Variants in UFL1 observed in about 807,000 individuals in gnomAD.
The protein encoded by UFL1 is UFM1 specific ligase 1.
A neutral mutation model predicts 99.3 loss-of-function variants in UFL1; 78 were observed. The ratio of observed to expected loss-of-function variants is 0.79; its 90% CI spans 0.65 to 0.95. The LOEUF is 0.95. Among genes scored for constraint, UFL1 ranks in the 40% least tolerant of loss-of-function variants. The pLI is 0.00. For synonymous variants in UFL1, 335 were observed against 322.2 expected, an observed-to-expected ratio of 1.04 and a Z score of -0.42; for missense variants, 936 against 937.0, an observed-to-expected ratio of 1.00 and a Z score of 0.01.
At chr6:96,524,477 A>G in intron 3 of UFL1, 67 bp downstream of exon 3, 2 of 1,227,260 alleles carry the variant, frequency 1.6e-6, no homozygotes, top group South Asian at 1.5e-5. Flanking sequence ...AATTTGTTCA[A>G]GTATTCACTA....
At chr6:96,527,060 G>C (rs999918254) in intron 5 of UFL1, among the ~76,000 whole-genome samples, 1 of 152,142 alleles carries the variant, frequency 6.6e-6, no homozygotes, top group African/African-American at 2.4e-5. Context: ...ATTTGTGTCA[G>C]TACTCAAATA....
At chr6:96,542,378 G>A (rs1233913363) in intron 11 of UFL1, among the ~76,000 whole-genome samples, 3 of 151,260 alleles carry the variant, frequency 2.0e-5, no homozygotes, top group South Asian at 4.1e-4. Context: ...CTCTTCAGAA[G>A]TTTATAATCT....
At chr6:96,537,796 A>G (rs1056346723) in intron 9 of UFL1, among the ~76,000 whole-genome samples, 1 of 151,916 alleles carries the variant, frequency 6.6e-6, no homozygotes, top group African/African-American at 2.4e-5. Context: ...ACTCCTGTTA[A>G]TCCTGATAAA....
Position 96,530,680 on chromosome 6 carries a change from C to A in UFL1, c.596+2048C>A, listed in dbSNP as rs7761917. Among the ~76,000 whole-genome samples, 1,466 of 152,290 alleles carry A rather than the reference C, an allele frequency of 9.6e-3. 23 individuals carry two copies. Among genetic ancestry groups the A allele is most frequent in the African/African-American group, 0.034 (1,403 of 41,544 alleles). On this transcript the variant is annotated intron_variant, in intron 6 of 18. Transcript: ENST00000369278. ...CAGGTTGCCTTTTGCATACCCCCAT[C>A]ATTCTTGAAACTTTCTTTTCTTTCT...
intron 3 of UFL1, 75 bp downstream of exon 3, chr6:96,524,485 CT>C (rs1203918362): frequency 2.7e-6 from 3 of 1,114,586 alleles, no homozygotes; most frequent in Non-Finnish European, 3.8e-6. Flanking sequence ...CAAGTATTCA[CT>C]AATGCTGGTA....
chr6:96,534,614 T>C (rs1263759302), intron 7 of UFL1, among the ~76,000 whole-genome samples: 1 of 151,892 alleles, frequency 6.6e-6, no homozygotes, highest in Non-Finnish European at 1.5e-5. Context: ...GATTTAAAAT[T>C]GTAAGATTAA....
At chr6:96,539,561 T>C (rs1228465505) in intron 10 of UFL1, among the ~76,000 whole-genome samples, 1 of 151,664 alleles carries the variant, frequency 6.6e-6, no homozygotes, top group African/African-American at 2.4e-5. Context: ...AAAGTATACA[T>C]GTTTGATGTC....
chr6:96,541,369 A>G (rs1291616275), intron 11 of UFL1, among the ~76,000 whole-genome samples: 2 of 151,524 alleles, frequency 1.3e-5, no homozygotes, highest in Non-Finnish European at 3.0e-5. Flanking sequence ...ACTAGAAATT[A>G]TTCTAGGTAT....
intron 11 of UFL1, among the ~76,000 whole-genome samples, chr6:96,541,867 T>C (rs186176658): frequency 1.6e-3 from 240 of 151,320 alleles, no homozygotes; most frequent in African/African-American, 5.3e-3. Context: ...AGGAAACTTA[T>C]TGTCAAATAT....
intron 6 of UFL1, among the ~76,000 whole-genome samples, chr6:96,529,860 T>TCCTC (rs1314897159): frequency 1.3e-5 from 2 of 152,194 alleles, no homozygotes; most frequent in East Asian, 3.9e-4. Context: ...TGAAATGATT[T>TCCTC]CCTCCCTCCC....
intron 2 of UFL1, among the ~76,000 whole-genome samples, chr6:96,523,857 T>G (rs1473858775): frequency 1.3e-5 from 2 of 152,170 alleles, no homozygotes; most frequent in Non-Finnish European, 2.9e-5. Flanking sequence ...ATAGAAGCAA[T>G]TATGAAAGCC....
intron 4 of UFL1, among the ~76,000 whole-genome samples, chr6:96,525,610 G>A (rs1769686973): frequency 1.3e-5 from 2 of 151,364 alleles, no homozygotes; most frequent in African/African-American, 2.4e-5. Context: ...AGAAGGCTGA[G>A]GCTGGAGGAT....
In UFL1 at chr6:96,534,304, A is replaced by G. The variant is rs1455472609; in HGVS notation, c.638A>G (p.Gln213Arg). 7.0e-6 allele frequency: 11 copies of G among 1,582,190 alleles called. No homozygotes were observed. In the African/African-American group the frequency reaches 1.1e-4, roughly 16 times the overall value. ...VNSLISKYGFQEQLLYSVLEE... is the reference protein window; with the variant it reads ...VNSLISKYGFREQLLYSVLEE... ...TCTTTGATTTCAAAATATGGATTTC[A>G]GGAGCAGCTTCTTTACTGTGAGTTT... Residue 213 changes from glutamine (Q) to arginine (R), a missense_variant, in exon 7 of 19, where the codon CAG becomes CGG. By Grantham distance (43) the Gln-to-Arg change is conservative. Coordinates refer to ENST00000369278, the MANE Select transcript of UFL1 (RefSeq NM_015323.5).
At chr6:96,542,559 TAGA>T (rs1440127587) in intron 11 of UFL1, among the ~76,000 whole-genome samples, 11 of 151,214 alleles carry the variant, frequency 7.3e-5, no homozygotes, top group Non-Finnish European at 1.3e-4. Flanking sequence ...TTGGGGAAGG[TAGA>T]AGAGGAGGTG....
intron 7 of UFL1, among the ~76,000 whole-genome samples, chr6:96,534,727 G>A (rs1168781571): frequency 6.6e-6 from 1 of 151,748 alleles, no homozygotes; most frequent in Non-Finnish European, 1.5e-5. Context: ...AGCAATAAAA[G>A]TATATTCTTA....
chr6:96,540,208 A>G (rs543855350), intron 10 of UFL1, among the ~76,000 whole-genome samples: 42 of 151,452 alleles, frequency 2.8e-4, no homozygotes, highest in Non-Finnish European at 5.0e-4. Flanking sequence ...GCGAAGGAGC[A>G]TGGGGCATCA....
rs776695404 is a variant in UFL1, at chr6:96,552,608, A to G, written c.2112A>G (p.Ala704=). ...FQFSTHSMLH[A]PGRCVPQIIA... Reference sequence around the variant, plus strand: ...TTTCAACCCACAGCATGCTCCATGCACCTGGAAGATGTGTCCCACAGATCA... The same window carrying G: ...TTTCAACCCACAGCATGCTCCATGCGCCTGGAAGATGTGTCCCACAGATCA... The change falls in exon 18 of 19, where the codon GCA becomes GCG. Residue 704 remains alanine, a synonymous_variant. Coordinates refer to ENST00000369278, the MANE Select transcript of UFL1 (RefSeq NM_015323.5). The G allele has an allele frequency of 1.9e-6, 3 of 1,612,666 alleles. No individual in the cohort carries two copies. Among genetic ancestry groups the G allele is most frequent in the Non-Finnish European group, 2.5e-6 (3 of 1,179,534 alleles).
At chr6:96,528,974 G>C (rs1428001405) in intron 6 of UFL1, among the ~76,000 whole-genome samples, 1 of 152,146 alleles carries the variant, frequency 6.6e-6, no homozygotes, top group Non-Finnish European at 1.5e-5. Context: ...AAAGTCAGAA[G>C]AATTTGGTTC....
At chr6:96,553,110 C>G (rs148290742) in intron 18 of UFL1, among the ~76,000 whole-genome samples, 175 bp from the exon 19 acceptor site, 1 of 152,032 alleles carries the variant, frequency 6.6e-6, no homozygotes, top group African/African-American at 2.4e-5. Flanking sequence ...TGTTTTATCT[C>G]TCCTAAATTG....
Sources: gnomAD v4.1 joint callset for allele counts (sites outside exome capture counted in the v4.1 genomes callset) on GRCh38, gnomAD v4.1.1 for gene constraint, MANE v1.5 for transcripts, NCBI Gene and HGNC (gene_info 2026-07-23, HGNC 2026-07-21) for gene names.